The following ERBB4 variants were observed in gnomAD, a reference collection of about 807,000 sequenced individuals.
ERBB4 encodes the protein erb-b2 receptor tyrosine kinase 4.
In ERBB4, 42 loss-of-function variants were observed where a neutral mutation model predicts 158.0. The ratio of observed to expected loss-of-function variants is 0.27; its 90% CI spans 0.21 to 0.34. ERBB4 has a LOEUF of 0.34. Ranked by LOEUF, ERBB4 falls within the 10% of genes least tolerant of loss-of-function variation. The pLI, the probability that ERBB4 is intolerant of heterozygous loss-of-function variation, is 1.00. For synonymous variants in ERBB4, 583 were observed against 558.7 expected (o/e 1.04, Z -0.61); for missense variants, 1,333 against 1,624.1 (o/e 0.82, Z 3.08).
intron 1 of ERBB4, among the ~76,000 whole-genome samples, chr2:212,489,318 A>G (rs2106193497): frequency 6.6e-6 from 1 of 151,960 alleles, no homozygotes; most frequent in Non-Finnish European, 1.5e-5. Context: ...TCTTGTCCTC[A>G]TAGGTAACAA....
intron 1 of ERBB4, among the ~76,000 whole-genome samples, chr2:212,387,168 C>T (rs1014330567): frequency 9.2e-5 from 14 of 152,166 alleles, no homozygotes; most frequent in South Asian, 2.1e-4. Flanking sequence ...CAAAGGAGTA[C>T]GGTTATTTGT....
chr2:211,650,391 A>C (rs1003998355), intron 16 of ERBB4, among the ~76,000 whole-genome samples: 1 of 152,114 alleles, frequency 6.6e-6, no homozygotes, highest in African/African-American at 2.4e-5. Flanking sequence ...AGTAGGTCAT[A>C]CTGGGAATTC....
At chr2:212,062,220 T>A (rs887814007) in intron 2 of ERBB4, among the ~76,000 whole-genome samples, 1 of 152,128 alleles carries the variant, frequency 6.6e-6, no homozygotes, top group African/African-American at 2.4e-5. Context: ...CACAAAAGTC[T>A]ACATGTATAT....
intron 3 of ERBB4, among the ~76,000 whole-genome samples, chr2:211,934,941 A>AAAAAAAAAAAAAAAAAAAAAC (rs1575401060): frequency 6.7e-6 from 1 of 150,222 alleles, no homozygotes; most frequent in Non-Finnish European, 1.5e-5. Flanking sequence ...AAAAAAAAAA[A>AAAAAAAAAAAAAAAAAAAAAC]CTGCCTTGAA....
chr2:212,338,344 A>C (rs2088544695), intron 1 of ERBB4, among the ~76,000 whole-genome samples: 1 of 152,104 alleles, frequency 6.6e-6, no homozygotes, highest in Non-Finnish European at 1.5e-5. Context: ...AAAGCATCCC[A>C]AAGTGGTTCC....
At chr2:211,676,384 T>C (rs2072071105) in intron 13 of ERBB4, among the ~76,000 whole-genome samples, 1 of 152,210 alleles carries the variant, frequency 6.6e-6, no homozygotes, top group Admixed American at 6.5e-5. Flanking sequence ...ATATGCTAAA[T>C]ATAAAAAACA....
intron 14 of ERBB4, among the ~76,000 whole-genome samples, chr2:211,671,562 GA>G (rs1012565412): frequency 3.9e-5 from 6 of 152,050 alleles, no homozygotes; most frequent in African/African-American, 1.4e-4. Context: ...ATAATTTTTT[GA>G]AAAGTGTTTC....
intron 20 of ERBB4, among the ~76,000 whole-genome samples, chr2:211,494,254 C>T (rs1314057509): frequency 1.3e-5 from 2 of 152,224 alleles, no homozygotes; most frequent in South Asian, 2.1e-4. Context: ...CCGCCTGCCT[C>T]GGCCTCCGAA....
chr2:212,020,903 A>AT (rs1185435256), intron 2 of ERBB4, among the ~76,000 whole-genome samples: 6 of 151,868 alleles, frequency 4.0e-5, no homozygotes, highest in Non-Finnish European at 7.4e-5. Flanking sequence ...TATAGTTCAT[A>AT]TTTTTTTTAC....
At chr2:212,361,734 A>T (rs2089694313) in intron 1 of ERBB4, among the ~76,000 whole-genome samples, 1 of 151,644 alleles carries the variant, frequency 6.6e-6, no homozygotes, top group African/African-American at 2.4e-5. Context: ...CCTTAGGCAA[A>T]TTATTTAACC....
chr2:212,066,384 G>C (rs1326509110), intron 2 of ERBB4, among the ~76,000 whole-genome samples: 1 of 151,890 alleles, frequency 6.6e-6, no homozygotes. Flanking sequence ...TCTGACCTCA[G>C]TCAAACTTTT....
intron 1 of ERBB4, among the ~76,000 whole-genome samples, chr2:212,380,020 T>C (rs1181691684): frequency 1.3e-5 from 2 of 151,546 alleles, no homozygotes; most frequent in African/African-American, 4.8e-5. Context: ...GTTCAAGTAG[T>C]AGGGCTAAGG....
chr2:211,848,524 A>G (rs1003153880), intron 3 of ERBB4, among the ~76,000 whole-genome samples: 13 of 152,140 alleles, frequency 8.5e-5, no homozygotes, highest in African/African-American at 2.6e-4. Flanking sequence ...CTGCCTCTTT[A>G]GGAATTGGGA....
chr2:212,483,768 G>T (rs1327871003), intron 1 of ERBB4, among the ~76,000 whole-genome samples: 2 of 151,912 alleles, frequency 1.3e-5, no homozygotes, highest in Admixed American at 6.6e-5. Flanking sequence ...ACTGAGTCTT[G>T]CTCTATTGCC....
chr2:212,534,806 T>C (rs2106352674), intron 1 of ERBB4, among the ~76,000 whole-genome samples: 1 of 152,318 alleles, frequency 6.6e-6, no homozygotes, highest in South Asian at 2.1e-4. Context: ...ACTACATATT[T>C]GAATCCACTT....
intron 3 of ERBB4, among the ~76,000 whole-genome samples, chr2:211,841,274 G>A (rs1318293157): frequency 6.6e-6 from 1 of 152,032 alleles, no homozygotes; most frequent in African/African-American, 2.4e-5. Context: ...ATTTCTCTGA[G>A]TAATTGTGGT....
At chr2:212,168,727 T>C (rs1234425346) in intron 1 of ERBB4, among the ~76,000 whole-genome samples, 2 of 151,858 alleles carry the variant, frequency 1.3e-5, no homozygotes, top group Non-Finnish European at 2.9e-5. Context: ...TCAGGAAAAA[T>C]AGTGAAAAAT....
At chr2:212,490,500 T>C (rs1189065635) in intron 1 of ERBB4, among the ~76,000 whole-genome samples, 1 of 151,844 alleles carries the variant, frequency 6.6e-6, no homozygotes, top group African/African-American at 2.4e-5. Flanking sequence ...TAGTATATTA[T>C]TTTTTACTCT....
chr2:212,399,899 C>G (rs1226064164), intron 1 of ERBB4, among the ~76,000 whole-genome samples: 5 of 151,474 alleles, frequency 3.3e-5, no homozygotes. Flanking sequence ...CAAAAACAAA[C>G]AAACAAAAAA....
Sources: gnomAD v4.1 joint callset for allele counts (sites outside exome capture counted in the v4.1 genomes callset) on GRCh38, gnomAD v4.1.1 for gene constraint, MANE v1.5 for transcripts, NCBI Gene and HGNC (gene_info 2026-07-23, HGNC 2026-07-21) for gene names.